The following FOXN4 variants were observed in gnomAD, a reference collection of about 807,000 sequenced individuals.
The protein encoded by FOXN4 is forkhead box N4.
FOXN4 carries 12 observed loss-of-function variants against 45.0 expected under a neutral mutation model. The ratio of observed to expected loss-of-function variants is 0.27; its 90% CI spans 0.17 to 0.43. The LOEUF is 0.43. Among genes scored for constraint, FOXN4 ranks in the 20% least tolerant of loss-of-function variants. The probability of loss-of-function intolerance (pLI) is 1.00; values close to 1 mark genes in which losing one functional copy is unlikely to be tolerated. For synonymous variants in FOXN4, 297 were observed against 295.0 expected (o/e 1.01, Z -0.07); for missense variants, 560 against 694.9 (o/e 0.81, Z 2.18).
intron 2 of FOXN4, among the ~76,000 whole-genome samples, chr12:109,292,067 C>G (rs914391890): frequency 6.6e-6 from 1 of 152,220 alleles, no homozygotes; most frequent in African/African-American, 2.4e-5. Context: ...GGGTGAGGTG[C>G]AGGGGCAGGG....
intron 8 of FOXN4, among the ~76,000 whole-genome samples, chr12:109,285,058 T>C (rs1188990983): frequency 7.3e-6 from 1 of 137,834 alleles, no homozygotes; most frequent in Non-Finnish European, 1.5e-5. Flanking sequence ...TGTGCGCGCA[T>C]GTGTGCATCT....
In FOXN4 at chr12:109,279,076, T is replaced by C. The variant is rs990030475; in HGVS notation, c.*595A>G. ...GCGCTAATAAAATTCTAACAGACTA[T>C]CGGAAAGGTGGGGCTGAAGGCCACC... On this transcript the variant is annotated 3_prime_UTR_variant, in exon 10 of 10. Coordinates refer to ENST00000299162, the MANE Select transcript of FOXN4 (RefSeq NM_213596.3). 5 of 155,710 alleles carry C rather than the reference T, an allele frequency of 3.2e-5. No homozygotes were observed. The highest frequency in any genetic ancestry group is 5.7e-5 in the Non-Finnish European group (4 of 70,144). The allele number at this position is 155,710 out of a possible 1,614,324, so 9.6% of individuals were successfully genotyped here.
chr12:109,287,360 C>T lies in FOXN4; in HGVS notation c.596+37G>A, dbSNP rs745815210. On this transcript the variant is annotated intron_variant, in intron 6 of 9. Transcript: ENST00000299162. This position sits in a 1 kb window ranked among gnomAD's most constrained non-coding sequence, Gnocchi z 4.1. Reference sequence around the variant, plus strand: ...CAGCCTCATCCCTCTCTCCCGGAGCCGCCCTTGGCCCTGACCCGGCCCACC... The same window carrying T: ...CAGCCTCATCCCTCTCTCCCGGAGCTGCCCTTGGCCCTGACCCGGCCCACC... The T allele has an allele frequency of 9.7e-6, 15 of 1,550,668 alleles. No individual in the cohort carries two copies. Among genetic ancestry groups the T allele is most frequent in the South Asian group, 9.5e-5 (8 of 84,008 alleles).
intron 1 of FOXN4, 63 bp from the exon 2 acceptor site, chr12:109,308,387 C>T (rs2047939704): frequency 9.1e-7 from 1 of 1,104,916 alleles, no homozygotes; most frequent in African/African-American, 1.6e-5. Context: ...GGGCAGAAAC[C>T]CACAGTTTTC....
chr12:109,307,435 C>G (rs773689035), intron 2 of FOXN4, among the ~76,000 whole-genome samples: 1 of 152,156 alleles, frequency 6.6e-6, no homozygotes, highest in Non-Finnish European at 1.5e-5. Context: ...CGGGAGGGGA[C>G]TCCAGGTCCT....
intron 2 of FOXN4, among the ~76,000 whole-genome samples, chr12:109,296,981 G>T (rs1313959541): frequency 2.0e-5 from 3 of 152,216 alleles, no homozygotes; most frequent in Admixed American, 6.5e-5. Context: ...CTTCCCATTT[G>T]CCAGACGAGA....
chr12:109,305,010 G>A (rs1317566454), intron 2 of FOXN4, among the ~76,000 whole-genome samples: 1 of 152,226 alleles, frequency 6.6e-6, no homozygotes, highest in Non-Finnish European at 1.5e-5. Flanking sequence ...GGCTCAGAGA[G>A]AGGCAGTGAC....
chr12:109,281,669 G>A lies in FOXN4; in HGVS notation c.1032C>T (p.Ser344=). Reference sequence around the variant, plus strand: ...TCATCAGTGGCTGGGGTGGGAGCTGGGAGACAGCCAGGCAGCCATGCGCCA... The same window carrying A: ...TCATCAGTGGCTGGGGTGGGAGCTGAGAGACAGCCAGGCAGCCATGCGCCA... ...VAVAHGCLAV[S]QLPPQPLMTL... is the part of the protein sequence containing the mutation. Residue 344 remains serine, a synonymous_variant, in exon 9 of 10, where the codon TCC becomes TCT. Coordinates refer to ENST00000299162, the MANE Select transcript of FOXN4 (RefSeq NM_213596.3). 1 of 1,610,196 alleles carries A rather than the reference G, an allele frequency of 6.2e-7. No homozygotes were observed. Among genetic ancestry groups the A allele is most frequent in the Non-Finnish European group, 8.5e-7 (1 of 1,178,656 alleles).
chr12:109,289,527 T>A (rs1187579678), intron 3 of FOXN4, among the ~76,000 whole-genome samples: 1 of 152,242 alleles, frequency 6.6e-6, no homozygotes, highest in Non-Finnish European at 1.5e-5. Context: ...TTGTTTATTG[T>A]TTTGTCACTG....
chr12:109,303,240 C>T (rs955598203), intron 2 of FOXN4, among the ~76,000 whole-genome samples: 2 of 152,118 alleles, frequency 1.3e-5, no homozygotes, highest in African/African-American at 4.8e-5. Context: ...CTGTTCTCTC[C>T]ACCCTGAGGG....
intron 9 of FOXN4, 73 bp from the exon 10 acceptor site, chr12:109,280,003 G>A: frequency 6.3e-7 from 1 of 1,587,802 alleles, no homozygotes. Context: ...CCCATCTTAG[G>A]GAAGAGGCAG....
rs953364486 is a variant in FOXN4 at position 109,287,712 on chromosome 12, C to T, written c.468+132G>A. On this transcript the variant is annotated intron_variant, in intron 5 of 9. Coordinates refer to ENST00000299162, the MANE Select transcript of FOXN4 (RefSeq NM_213596.3). This position sits in a 1 kb window ranked among gnomAD's most constrained non-coding sequence, Gnocchi z 4.1. The stretch of plus-strand genomic sequence containing the variant: ...GTTTTGGGGGAACGGAATGAATGAC[C>T]CCATGACATGAGCATGGAGGGAATG... The T allele has an allele frequency of 3.1e-5, 35 of 1,112,876 alleles. No homozygotes were observed. Among genetic ancestry groups the T allele is most frequent in the Non-Finnish European group, 4.3e-5 (34 of 799,738 alleles). 68.9% of individuals were successfully genotyped at this position (1,112,876 alleles called of 1,614,324 possible).
chr12:109,279,306 C>T lies in FOXN4; in HGVS notation c.*365G>A. 3.2e-6 allele frequency: 1 copy of T among 310,544 alleles called. No individual in the cohort carries two copies. Among genetic ancestry groups the T allele is most frequent in the Non-Finnish European group, 6.2e-6 (1 of 162,320 alleles). 19.2% of individuals were successfully genotyped at this position (310,544 alleles called of 1,614,324 possible). A position where few individuals can be genotyped will look rare whatever the true frequency, so the allele number is the denominator to read the frequency against. On this transcript the variant is annotated 3_prime_UTR_variant, in exon 10 of 10. Coordinates refer to ENST00000299162, the MANE Select transcript of FOXN4 (RefSeq NM_213596.3). Reference sequence around the variant, plus strand: ...CACCAAGGTGTCCCAAAATGGGGTGCAGGTCACTGAGGTCACGCAGCCAGG... The same window carrying T: ...CACCAAGGTGTCCCAAAATGGGGTGTAGGTCACTGAGGTCACGCAGCCAGG...
intron 3 of FOXN4, among the ~76,000 whole-genome samples, chr12:109,289,695 CA>C (rs1398551632): frequency 6.6e-6 from 1 of 152,206 alleles, no homozygotes; most frequent in Non-Finnish European, 1.5e-5. Context: ...TCCTCTTGAT[CA>C]GGGGGCAGCA....
In FOXN4 at chr12:109,291,487, T is replaced by C. The variant is rs1443206195; in HGVS notation, c.87-1201A>G. Among the ~76,000 whole-genome samples, 1 of 151,930 alleles carries C rather than the reference T, an allele frequency of 6.6e-6. No individual in the cohort carries two copies. Among genetic ancestry groups the C allele is most frequent in the Non-Finnish European group, 1.5e-5 (1 of 67,954 alleles). ...GGACACCGACCCATCCTGCCCTGGT[T>C]TTCTGCGCCTCTCGGAGGCTCCAGC... On this transcript the variant is annotated intron_variant, in intron 2 of 9. Transcript: ENST00000299162. This position sits in a 1 kb window ranked among gnomAD's most constrained non-coding sequence, Gnocchi z 6.6.
In FOXN4 at chr12:109,308,305, G is replaced by A. The variant is rs2047938939; in HGVS notation, c.17C>T (p.Thr6Ile). The A allele has an allele frequency of 6.4e-7, 1 of 1,551,646 alleles. No individual in the cohort carries two copies. The highest frequency in any genetic ancestry group is 8.7e-7 in the Non-Finnish European group (1 of 1,146,856). The change falls in exon 2 of 10, where the codon ACC (threonine) becomes ATC (isoleucine). Residue 6 changes from threonine to isoleucine, a missense_variant. Physicochemically the swap from Thr to Ile is moderately conservative, Grantham distance 89 (BLOSUM62 -1). Coordinates refer to ENST00000299162, the MANE Select transcript of FOXN4 (RefSeq NM_213596.3). MIESD[T>I]SSIMSGIIRN... ...AATAATTCCTGACATTATGGATGAG[G>A]TGTCACTTTCTATCATCTCCTTGGG...
At chr12:109,304,683 G>A (rs571492569) in intron 2 of FOXN4, among the ~76,000 whole-genome samples, 1 of 152,180 alleles carries the variant, frequency 6.6e-6, no homozygotes, top group South Asian at 2.1e-4. Flanking sequence ...GAAAATTAAC[G>A]GCCAAACTCA....
At chr12:109,293,469 T>C (rs922078927) in intron 2 of FOXN4, among the ~76,000 whole-genome samples, 3 of 152,164 alleles carry the variant, frequency 2.0e-5, no homozygotes, top group African/African-American at 7.2e-5. Context: ...CCAAACCCCA[T>C]ATTGCCCCAT....
At chr12:109,306,890 G>A (rs886612311) in intron 2 of FOXN4, among the ~76,000 whole-genome samples, 2 of 152,226 alleles carry the variant, frequency 1.3e-5, no homozygotes, top group Non-Finnish European at 2.9e-5. Flanking sequence ...CCCTGAGAGT[G>A]CTGGAAGGAA....
Sources: allele counts gnomAD v4.1 joint callset (sites outside exome capture counted in the v4.1 genomes callset), GRCh38; gene constraint gnomAD v4.1.1; non-coding constraint Gnocchi (gnomAD v3.1); transcripts MANE v1.5; gene names NCBI Gene and HGNC (gene_info 2026-07-23, HGNC 2026-07-21).